PHKB: variants seen among roughly 807,000 people sequenced by gnomAD.
The protein encoded by PHKB is phosphorylase kinase regulatory subunit beta, also known as phosphorylase b kinase regulatory subunit beta.
In PHKB, 122 loss-of-function variants were observed where a neutral mutation model predicts 152.1. The ratio of observed to expected loss-of-function variants is 0.80; its 90% CI spans 0.69 to 0.93. The LOEUF is 0.93. Among genes scored for constraint, PHKB ranks in the 40% least tolerant of loss-of-function variants. PHKB has a pLI of 0.00. For synonymous variants in PHKB, 436 were observed against 464.9 expected (o/e 0.94, Z 0.80); for missense variants, 1,304 against 1,328.4 (o/e 0.98, Z 0.29).
intron 7 of PHKB, among the ~76,000 whole-genome samples, chr16:47,551,190 G>C (rs1971264404): frequency 6.6e-6 from 1 of 151,984 alleles, no homozygotes; most frequent in African/African-American, 2.4e-5. Flanking sequence ...TTTTTTTGAA[G>C]GGTTTTTTGT....
chr16:47,541,118 G>C (rs1395720581), intron 6 of PHKB, among the ~76,000 whole-genome samples: 2 of 151,984 alleles, frequency 1.3e-5, no homozygotes, highest in African/African-American at 2.4e-5. Flanking sequence ...TTTACATTAG[G>C]TATTTCTCCT....
chr16:47,648,986 A>T (rs1597149707), intron 17 of PHKB, 114 bp from the exon 18 acceptor site: 2 of 721,004 alleles, frequency 2.8e-6, no homozygotes, highest in Non-Finnish European at 5.1e-6. Context: ...CTATTAATTT[A>T]TGTGCTTATT....
In PHKB at chr16:47,610,841, G is replaced by A. The variant is rs1048627089; in HGVS notation, c.1379G>A (p.Ser460Asn). ...IAKLLADELISPKDIDPVQRY... is the reference protein window; with the variant it reads ...IAKLLADELINPKDIDPVQRY... The stretch of plus-strand genomic sequence containing the variant: ...TTTTTTTCAGCTGATGAACTTATTA[G>A]TCCTAAAGACATTGATCCTGTCCAG... Residue 460 changes from serine to asparagine, a missense_variant, in exon 14 of 31, where the codon AGT becomes AAT. Coordinates refer to ENST00000323584, the MANE Select transcript of PHKB (RefSeq NM_000293.3). The A allele has an allele frequency of 2.5e-6, 4 of 1,602,276 alleles. No homozygotes were observed. Among genetic ancestry groups the A allele is most frequent in the Non-Finnish European group, 3.4e-6 (4 of 1,169,646 alleles).
At chr16:47,552,901 C>T (rs1412395475) in intron 7 of PHKB, among the ~76,000 whole-genome samples, 6 of 152,130 alleles carry the variant, frequency 3.9e-5, no homozygotes, top group Admixed American at 3.3e-4. Flanking sequence ...GCAGAGAGAT[C>T]TGCTGTTAGT....
chr16:47,541,094 C>A (rs891347253), intron 6 of PHKB, among the ~76,000 whole-genome samples: 2 of 151,862 alleles, frequency 1.3e-5, no homozygotes, highest in Admixed American at 6.6e-5. Flanking sequence ...TTTGCTATAC[C>A]CATTAACTCG....
intron 4 of PHKB, among the ~76,000 whole-genome samples, chr16:47,504,634 T>C (rs1381742353): frequency 6.6e-6 from 1 of 152,236 alleles, no homozygotes; most frequent in Non-Finnish European, 1.5e-5. Flanking sequence ...TCCAACTGTG[T>C]GATGTTGGAC....
chr16:47,696,136 C>A (rs1010400092), intron 28 of PHKB, among the ~76,000 whole-genome samples: 1 of 148,466 alleles, frequency 6.7e-6, no homozygotes, highest in Non-Finnish European at 1.5e-5. Context: ...CTAACATAGT[C>A]CTTTTTCTCA....
chr16:47,533,981 G>C lies in PHKB; in HGVS notation c.595-13452G>C, dbSNP rs921548941. Among the ~76,000 whole-genome samples, 20 of 152,256 alleles carry C rather than the reference G, an allele frequency of 1.3e-4. 1 individual carries two copies. In the East Asian group the frequency reaches 3.7e-3, roughly 28 times the overall value. On this transcript the variant is annotated intron_variant, in intron 6 of 30. Transcript: ENST00000323584. ...GGCGGCTGCAGCTGCACCCAGGATG[G>C]TGGGGCTCCCCCCTCCTCCCAGGCC... is the stretch of plus-strand genomic sequence containing the variant.
intron 6 of PHKB, among the ~76,000 whole-genome samples, chr16:47,543,342 G>A (rs1382952171): frequency 6.6e-6 from 1 of 152,160 alleles, no homozygotes; most frequent in South Asian, 2.1e-4. Context: ...TGCATCCCAG[G>A]GATGATGCCA....
intron 6 of PHKB, among the ~76,000 whole-genome samples, chr16:47,526,129 T>C (rs1318878108): frequency 6.6e-6 from 1 of 152,022 alleles, no homozygotes; most frequent in Non-Finnish European, 1.5e-5. Context: ...GACTAGGCCA[T>C]CTGGGTGCGG....
At chr16:47,696,770 T>C (rs995199009) in intron 29 of PHKB, among the ~76,000 whole-genome samples, 1 of 152,118 alleles carries the variant, frequency 6.6e-6, no homozygotes, top group African/African-American at 2.4e-5. Context: ...AGCCACACAA[T>C]CACCCCTTAG....
Position 47,616,453 on chromosome 16 carries a change from A to G in PHKB, c.1458+5533A>G, listed in dbSNP as rs1430686557. 2.7e-5 allele frequency among the ~76,000 whole-genome samples: 4 copies of G among 147,058 alleles called. No homozygotes were observed. In the South Asian group the frequency reaches 8.3e-4, roughly 31 times the overall value. Reference sequence around the variant, plus strand: ...AATTTTTTCTTTTTTTAAATAAAGTAAAATATATATGATATATAATATATC... The same window carrying G: ...AATTTTTTCTTTTTTTAAATAAAGTGAAATATATATGATATATAATATATC... On this transcript the variant is annotated intron_variant, in intron 14 of 30. Coordinates refer to ENST00000323584, the MANE Select transcript of PHKB (RefSeq NM_000293.3).
At chr16:47,674,097 T>C (rs1208491986) in intron 26 of PHKB, among the ~76,000 whole-genome samples, 2 of 152,196 alleles carry the variant, frequency 1.3e-5, no homozygotes, top group African/African-American at 4.8e-5. Context: ...ATGATTTCAA[T>C]TTATGATCCA....
intron 7 of PHKB, among the ~76,000 whole-genome samples, chr16:47,564,363 G>T (rs970907937): frequency 6.6e-6 from 1 of 152,012 alleles, no homozygotes; most frequent in African/African-American, 2.4e-5. Flanking sequence ...TTTAATAATG[G>T]TAATTCTGGC....
intron 14 of PHKB, among the ~76,000 whole-genome samples, chr16:47,639,598 T>G (rs545685354): frequency 6.6e-6 from 1 of 152,192 alleles, no homozygotes; most frequent in African/African-American, 2.4e-5. Context: ...TAGAGGCCAT[T>G]TTAGATCTGA....
chr16:47,619,028 T>C (rs145369606), intron 14 of PHKB: 45 of 152,344 alleles, frequency 3.0e-4, no homozygotes, highest in African/African-American at 1.0e-3. Flanking sequence ...CTACTATTGA[T>C]TGTGTTTCTT....
chr16:47,590,036 C>T (rs1184426894), intron 10 of PHKB, among the ~76,000 whole-genome samples: 1 of 152,124 alleles, frequency 6.6e-6, no homozygotes, highest in East Asian at 1.9e-4. Context: ...GTGATCTGCC[C>T]TCCTAGGCCT....
At chr16:47,626,161 T>C (rs1972706551) in intron 14 of PHKB, among the ~76,000 whole-genome samples, 1 of 152,204 alleles carries the variant, frequency 6.6e-6, no homozygotes, top group African/African-American at 2.4e-5. Context: ...AGAAAACCCT[T>C]AGGTTTACTT....
chr16:47,593,673 T>TA, intron 11 of PHKB, 116 bp downstream of exon 11: 1 of 714,212 alleles, frequency 1.4e-6, no homozygotes, highest in Non-Finnish European at 2.6e-6. Context: ...GCTAGAAAAA[T>TA]AGACTGCGCT....
Sources: allele counts gnomAD v4.1 joint callset (sites outside exome capture counted in the v4.1 genomes callset), GRCh38; gene constraint gnomAD v4.1.1; transcripts MANE v1.5; gene names NCBI Gene and HGNC (gene_info 2026-07-23, HGNC 2026-07-21).